The following PCDH9 variants were observed in gnomAD, a reference collection of about 807,000 sequenced individuals.
PCDH9 encodes protocadherin 9.
A neutral mutation model predicts 70.6 loss-of-function variants in PCDH9; 24 were observed. The ratio of observed to expected loss-of-function variants is 0.34; its 90% CI spans 0.25 to 0.48. PCDH9 has a LOEUF of 0.48. PCDH9 is among the 20% of genes least tolerant of loss of function. PCDH9 has a pLI of 0.99. For synonymous variants in PCDH9, 562 were observed against 558.5 expected, an observed-to-expected ratio of 1.01 and a Z score of -0.09; for missense variants, 1,281 against 1,503.6, an observed-to-expected ratio of 0.85 and a Z score of 2.45.
intron 4 of PCDH9, among the ~76,000 whole-genome samples, chr13:66,342,745 G>A (rs534247785): frequency 1.1e-3 from 166 of 152,028 alleles, no homozygotes; most frequent in Middle Eastern, 3.4e-3. Context: ...GAGTAGCTGG[G>A]ATTACAGGCT....
rs554607219 is a variant in PCDH9, at chr13:66,519,569, T to G, written c.3340+111641A>C. On this transcript the variant is annotated intron_variant, in intron 4 of 4. Coordinates refer to ENST00000377865, the MANE Select transcript of PCDH9 (RefSeq NM_203487.3). Reference sequence around the variant, plus strand: ...TTAGTCTAGAGAATCCCTAAGGTCATTTTGGCCCTAAGATTTTATGAGTCT... The same window carrying G: ...TTAGTCTAGAGAATCCCTAAGGTCAGTTTGGCCCTAAGATTTTATGAGTCT... Among the ~76,000 whole-genome samples, 4 of 152,196 alleles carry G rather than the reference T, an allele frequency of 2.6e-5. No homozygotes were observed. In the East Asian group the frequency reaches 5.8e-4, roughly 22 times the overall value.
chr13:67,184,571 A>G (rs144703654), intron 2 of PCDH9, among the ~76,000 whole-genome samples: 100 of 152,282 alleles, frequency 6.6e-4, no homozygotes, highest in African/African-American at 2.0e-3. Flanking sequence ...TCTATAAAAA[A>G]ATAACAAAAA....
At chr13:67,160,759 A>T (rs900298532) in intron 2 of PCDH9, among the ~76,000 whole-genome samples, 1 of 152,196 alleles carries the variant, frequency 6.6e-6, no homozygotes, top group Non-Finnish European at 1.5e-5. Flanking sequence ...AAAGTTACTT[A>T]CACTCACAGG....
intron 4 of PCDH9, among the ~76,000 whole-genome samples, chr13:66,326,700 G>T (rs1348880421): frequency 6.6e-6 from 1 of 152,068 alleles, no homozygotes; most frequent in Non-Finnish European, 1.5e-5. Context: ...ACAGGTGTGA[G>T]CCACCGCTCC....
chr13:67,091,617 A>G lies in PCDH9; in HGVS notation c.3036+133788T>C, dbSNP rs567205185. Among the ~76,000 whole-genome samples, 28 of 152,280 alleles carry G rather than the reference A, an allele frequency of 1.8e-4. No homozygotes were observed. In the East Asian group the frequency reaches 5.0e-3, roughly 27 times the overall value. ...ATTGCTGTGAGATCATTGGCTTTGA[A>G]GTCTCACATAGCTGATCCTGCTTTA... On this transcript the variant is annotated intron_variant, in intron 2 of 4. Transcript: ENST00000377865.
At chr13:66,768,358 CT>C (rs895988557) in intron 3 of PCDH9, among the ~76,000 whole-genome samples, 14 of 152,066 alleles carry the variant, frequency 9.2e-5, no homozygotes, top group Non-Finnish European at 1.3e-4. Flanking sequence ...TATAACAAAG[CT>C]TTTGAGGTAA....
At chr13:66,972,618 A>G (rs1368327668) in intron 2 of PCDH9, among the ~76,000 whole-genome samples, 1 of 152,024 alleles carries the variant, frequency 6.6e-6, no homozygotes, top group Non-Finnish European at 1.5e-5. Flanking sequence ...ATAGTTTACA[A>G]TAAGTCCTGA....
At chr13:67,138,300 A>G (rs889355977) in intron 2 of PCDH9, among the ~76,000 whole-genome samples, 1 of 152,184 alleles carries the variant, frequency 6.6e-6, no homozygotes, top group Non-Finnish European at 1.5e-5. Context: ...ATTATCTAGC[A>G]CACCATAAGC....
intron 2 of PCDH9, among the ~76,000 whole-genome samples, chr13:66,941,160 C>G (rs1204460610): frequency 6.6e-6 from 1 of 151,498 alleles, no homozygotes; most frequent in Non-Finnish European, 1.5e-5. Flanking sequence ...TGTGAAATAT[C>G]TGTATTATAT....
At chr13:66,342,770 C>T (rs949310200) in intron 4 of PCDH9, among the ~76,000 whole-genome samples, 10 of 127,856 alleles carry the variant, frequency 7.8e-5, no homozygotes, top group Admixed American at 4.5e-4. Context: ...CCACCACATC[C>T]GGCTGATTTA....
At chr13:66,637,960 T>A (rs2077661247) in intron 3 of PCDH9, among the ~76,000 whole-genome samples, 1 of 152,110 alleles carries the variant, frequency 6.6e-6, no homozygotes. Flanking sequence ...TATGTTACAT[T>A]TTTTTAGACA....
intron 3 of PCDH9, among the ~76,000 whole-genome samples, chr13:66,844,148 C>A (rs776158303): frequency 3.3e-5 from 5 of 151,884 alleles, no homozygotes; most frequent in African/African-American, 1.2e-4. Flanking sequence ...ATTCAAATTA[C>A]GATTTAATCC....
At position 66,401,854 on chromosome 13, in the gene PCDH9, G is replaced by A. The variant is rs141958204; in HGVS notation, c.3341-96826C>T. On this transcript the variant is annotated intron_variant, in intron 4 of 4. Transcript: ENST00000377865. ...TTTCTGTGTTTATAACTTATCATTT[G>A]TGGAAAAGCTGTTAGTTTCCCTTTC... 7.3e-4 allele frequency among the ~76,000 whole-genome samples: 111 copies of A among 152,166 alleles called. 1 individual carries two copies. Among genetic ancestry groups the A allele is most frequent in the Non-Finnish European group, 2.8e-4 (19 of 68,006 alleles).
intron 4 of PCDH9, among the ~76,000 whole-genome samples, chr13:66,365,802 C>G (rs1444536475): frequency 1.3e-5 from 2 of 152,066 alleles, no homozygotes; most frequent in African/African-American, 4.8e-5. Context: ...TAGTAAGGTC[C>G]AAATAAATGT....
intron 2 of PCDH9, among the ~76,000 whole-genome samples, chr13:66,975,517 C>T (rs2083601365): frequency 6.6e-6 from 1 of 151,986 alleles, no homozygotes; most frequent in Non-Finnish European, 1.5e-5. Context: ...AAGTAATTTT[C>T]CCAAGTGCAC....
intron 4 of PCDH9, among the ~76,000 whole-genome samples, chr13:66,534,879 C>A (rs563744318): frequency 1.3e-5 from 2 of 152,062 alleles, no homozygotes; most frequent in Non-Finnish European, 1.5e-5. Flanking sequence ...AAAAATAGCT[C>A]TTGTCAACTG....
chr13:66,540,696 C>A (rs1028076833), intron 4 of PCDH9, among the ~76,000 whole-genome samples: 1 of 152,118 alleles, frequency 6.6e-6, no homozygotes, highest in African/African-American at 2.4e-5. Context: ...CTGGTTGACC[C>A]CCTTTGGGCA....
intron 3 of PCDH9, among the ~76,000 whole-genome samples, chr13:66,698,895 C>CTTTTTTTTTTTTTTTTTTTTTT (rs67333897): frequency 1.6e-5 from 1 of 61,132 alleles, no homozygotes; most frequent in African/African-American, 5.5e-5. Context: ...CTCAATTCCT[C>CTTTTTTTTTTTTTTTTTTTTTT]TTTTTTTTTT....
intron 2 of PCDH9, among the ~76,000 whole-genome samples, chr13:67,142,425 T>C (rs1416946937): frequency 6.6e-6 from 1 of 152,178 alleles, no homozygotes; most frequent in Non-Finnish European, 1.5e-5. Flanking sequence ...ATTTTGATTT[T>C]GTGGTTTTAA....
Sources: allele counts gnomAD v4.1 joint callset (sites outside exome capture counted in the v4.1 genomes callset), GRCh38; gene constraint gnomAD v4.1.1; transcripts MANE v1.5; gene names NCBI Gene and HGNC (gene_info 2026-07-23, HGNC 2026-07-21).